Variants in ATAD2B observed in about 807,000 individuals in gnomAD.
The protein encoded by ATAD2B is ATPase family AAA domain containing 2B, also known as ATPase family AAA domain-containing protein 2B.
In ATAD2B, 40 loss-of-function variants were observed where a neutral mutation model predicts 167.6. The observed-to-expected ratio is 0.24, with a 90% CI of 0.19 to 0.31. ATAD2B has a LOEUF of 0.31. ATAD2B is among the 10% of genes least tolerant of loss of function. The pLI, the probability that ATAD2B is intolerant of heterozygous loss-of-function variation, is 1.00. For missense variants in ATAD2B, 1,242 were observed against 1,757.2 expected (o/e 0.71, Z 5.24); for synonymous variants, 579 against 596.5 (o/e 0.97, Z 0.43).
intron 25 of ATAD2B, among the ~76,000 whole-genome samples, chr2:23,756,129 A>T (rs928716339): frequency 6.6e-6 from 1 of 152,128 alleles, no homozygotes; most frequent in Non-Finnish European, 1.5e-5. Context: ...CTCATACCAG[A>T]TTCCTTCTCC....
At chr2:23,681,269 G>T in the ATAD2B span, among the ~76,000 whole-genome samples, 1 of 152,240 alleles carries the variant, frequency 6.6e-6, no homozygotes. This position sits in a 1 kb window ranked among gnomAD's most constrained non-coding sequence, Gnocchi z 4.2. Context: ...TTCTGAAAGT[G>T]AATAATCTTC....
chr2:23,772,663 C>T (rs1678508446), intron 22 of ATAD2B, among the ~76,000 whole-genome samples: 1 of 151,572 alleles, frequency 6.6e-6, no homozygotes, highest in Non-Finnish European at 1.5e-5. Flanking sequence ...AAAAATTTCC[C>T]ACTAGTATGG....
At chr2:23,805,337 T>C (rs904867837) in intron 18 of ATAD2B, among the ~76,000 whole-genome samples, 10 of 152,128 alleles carry the variant, frequency 6.6e-5, no homozygotes, top group Non-Finnish European at 1.3e-4. Flanking sequence ...AAAGCAACCA[T>C]ATTAACAGTT....
intron 17 of ATAD2B, among the ~76,000 whole-genome samples, chr2:23,815,472 G>C (rs1034406422): frequency 6.6e-6 from 1 of 152,200 alleles, no homozygotes; most frequent in Non-Finnish European, 1.5e-5. Flanking sequence ...GTATGATACA[G>C]TCCAGCTATG....
chr2:23,852,370 C>T (rs1440422948), intron 13 of ATAD2B, among the ~76,000 whole-genome samples: 3 of 152,086 alleles, frequency 2.0e-5, no homozygotes, highest in African/African-American at 7.2e-5. Flanking sequence ...AGAGATCCTG[C>T]TGCCTCAGCC....
the ATAD2B span, among the ~76,000 whole-genome samples, chr2:23,742,587 G>A: frequency 6.6e-6 from 1 of 150,820 alleles, no homozygotes; most frequent in Non-Finnish European, 1.5e-5. Context: ...ATAGCATTAG[G>A]AGATATACCT....
At chr2:23,725,795 A>G in the ATAD2B span, among the ~76,000 whole-genome samples, 4 of 152,240 alleles carry the variant, frequency 2.6e-5, no homozygotes, top group African/African-American at 9.6e-5. Context: ...CATTAAATGT[A>G]AAAATGTAAA....
chr2:23,684,304 T>G, the ATAD2B span: 2 of 931,350 alleles, frequency 2.1e-6, no homozygotes, highest in Non-Finnish European at 3.0e-6. The surrounding 1 kb of genome is among the most constrained non-coding windows in gnomAD (Gnocchi z 4.4). Context: ...TTCCTATTTC[T>G]CTACTTCTTG....
chr2:23,869,925 T>G (rs1695671460), intron 8 of ATAD2B, among the ~76,000 whole-genome samples, 164 bp from the exon 9 acceptor site: 1 of 151,990 alleles, frequency 6.6e-6, no homozygotes, highest in South Asian at 2.1e-4. Flanking sequence ...TAGCAAGTTC[T>G]GCAGAGAAAA....
the ATAD2B span, among the ~76,000 whole-genome samples, chr2:23,738,557 C>T: frequency 6.6e-6 from 1 of 152,176 alleles, no homozygotes; most frequent in African/African-American, 2.4e-5. Flanking sequence ...AAGCACTAAA[C>T]ATGGAAAGGA....
intron 13 of ATAD2B, among the ~76,000 whole-genome samples, chr2:23,853,950 T>C (rs1692954479): frequency 6.6e-6 from 1 of 152,138 alleles, no homozygotes; most frequent in African/African-American, 2.4e-5. Context: ...AATGAGTATC[T>C]GTATAAAAAA....
At chr2:23,800,136 G>C (rs1683246751) in intron 18 of ATAD2B, 1 of 151,320 alleles carries the variant, frequency 6.6e-6, no homozygotes, top group African/African-American at 2.4e-5. Flanking sequence ...TTACGTGGAA[G>C]ACAGTGACCA....
At chr2:23,717,253 C>T in the ATAD2B span, among the ~76,000 whole-genome samples, 1 of 146,972 alleles carries the variant, frequency 6.8e-6, no homozygotes, top group South Asian at 2.2e-4. Context: ...GAGAACCCAA[C>T]AGGGACTCAT....
chr2:23,765,445 G>C (rs1677279053), intron 23 of ATAD2B, 61 bp downstream of exon 23: 2 of 1,360,548 alleles, frequency 1.5e-6, no homozygotes, highest in Non-Finnish European at 1.9e-6. Flanking sequence ...CAGCGTTCAA[G>C]TACTCTTGGC....
chr2:23,791,281 T>C (rs1021466526), intron 19 of ATAD2B, among the ~76,000 whole-genome samples: 1 of 152,212 alleles, frequency 6.6e-6, no homozygotes, highest in African/African-American at 2.4e-5. Flanking sequence ...TATGTTTTCA[T>C]TTCTTTTGTG....
At chr2:23,799,132 T>C (rs775920683) in intron 18 of ATAD2B, among the ~76,000 whole-genome samples, 8 of 152,336 alleles carry the variant, frequency 5.3e-5, no homozygotes, top group Middle Eastern at 3.4e-3. Context: ...AATTCTGACA[T>C]GTTAATAGGA....
At chr2:23,681,237 A>G in the ATAD2B span, among the ~76,000 whole-genome samples, 1 of 152,264 alleles carries the variant, frequency 6.6e-6, no homozygotes, top group African/African-American at 2.4e-5. The surrounding 1 kb of genome is among the most constrained non-coding windows in gnomAD (Gnocchi z 4.2). Flanking sequence ...CCTGGTGAGC[A>G]CTTTCATAAA....
the ATAD2B span, among the ~76,000 whole-genome samples, chr2:23,738,111 T>C: frequency 2.6e-5 from 4 of 152,116 alleles, no homozygotes; most frequent in Non-Finnish European, 4.4e-5. Context: ...TGGAACCAAG[T>C]TGGAAAACAC....
At position 23,754,220 on chromosome 2, in the gene ATAD2B, A is replaced by G; in HGVS notation, c.4294T>C (p.Tyr1432His). 6.4e-7 allele frequency: 1 copy of G among 1,560,318 alleles called. No individual in the cohort carries two copies. Among genetic ancestry groups the G allele is most frequent in the South Asian group, 1.2e-5 (1 of 83,966 alleles). The change falls in exon 27 of 28, where the codon TAC becomes CAC. Residue 1432 changes from tyrosine to histidine, a missense_variant. This residue lies in a region of ATAD2B where 282 missense variants were observed against 346.8 expected (regional missense o/e 0.81). Transcript: ENST00000238789. The stretch of plus-strand genomic sequence containing the variant: ...TTGTCATAATCTTTACGATGACGGT[A>G]GATACACTGACTAAGAAGAGAATAT... ...RLYSLLSQCI[Y>H]RHRKDYDKSQ...
Sources: allele counts gnomAD v4.1 joint callset (sites outside exome capture counted in the v4.1 genomes callset), GRCh38; gene constraint gnomAD v4.1.1; regional missense constraint gnomAD v4.1.1; non-coding constraint Gnocchi (gnomAD v3.1); transcripts MANE v1.5; gene names NCBI Gene and HGNC (gene_info 2026-07-23, HGNC 2026-07-21).